Variants in DLEU7 observed in about 807,000 individuals in gnomAD.
The protein encoded by DLEU7 is leukemia-associated protein 7.
A neutral mutation model predicts 16.0 loss-of-function variants in DLEU7; 17 were observed. The ratio of observed to expected loss-of-function variants is 1.06; its 90% confidence interval spans 0.73 to 1.59. DLEU7 has a LOEUF of 1.59. Among genes scored for constraint, DLEU7 ranks in the 40% most tolerant of loss-of-function variants. The probability of loss-of-function intolerance (pLI) is 0.00; values close to 1 mark genes in which losing one functional copy is unlikely to be tolerated. For missense variants in DLEU7, 308 were observed against 314.9 expected (o/e 0.98, Z 0.17); for synonymous variants, 113 against 139.8 (o/e 0.81, Z 1.35).
intron 1 of DLEU7, among the ~76,000 whole-genome samples, chr13:50,812,290 AG>A (rs1449955815): frequency 6.6e-6 from 1 of 152,090 alleles, no homozygotes; most frequent in East Asian, 1.9e-4. Context: ...CTCAGACCTG[AG>A]GGGCCCCCGT....
At chr13:50,789,326 G>T (rs1177382514) in intron 1 of DLEU7, among the ~76,000 whole-genome samples, 1 of 148,912 alleles carries the variant, frequency 6.7e-6, no homozygotes, top group African/African-American at 2.5e-5. Context: ...ACCTCTCAGT[G>T]CCTCAATGCC....
chr13:50,754,054 A>C (rs1874676366), intron 1 of DLEU7, among the ~76,000 whole-genome samples: 1 of 152,086 alleles, frequency 6.6e-6, no homozygotes, highest in Non-Finnish European at 1.5e-5. Flanking sequence ...ATATAATTTC[A>C]ATTTTCTTAA....
intron 1 of DLEU7, among the ~76,000 whole-genome samples, chr13:50,748,772 AAGAG>A (rs769066788): frequency 1.5e-4 from 23 of 152,308 alleles, no homozygotes; most frequent in Non-Finnish European, 3.2e-4. Flanking sequence ...GAAGAAAAAG[AAGAG>A]AGAATTGGAG....
intron 1 of DLEU7, among the ~76,000 whole-genome samples, chr13:50,739,967 T>C (rs1217560727): frequency 6.6e-6 from 1 of 151,862 alleles, no homozygotes; most frequent in African/African-American, 2.4e-5. Flanking sequence ...TGGTAGGGCA[T>C]ATAGAGAGAG....
At chr13:50,802,120 TAAAAAAAAAAA>T (rs11453529) in intron 1 of DLEU7, among the ~76,000 whole-genome samples, 6 of 53,010 alleles carry the variant, frequency 1.1e-4, no homozygotes, top group South Asian at 1.2e-3. Context: ...CTCTATACAC[TAAAAAAAAAAA>T]AAAAAAAAAA....
At chr13:50,756,100 C>G (rs1244584708) in intron 1 of DLEU7, among the ~76,000 whole-genome samples, 1 of 152,178 alleles carries the variant, frequency 6.6e-6, no homozygotes. Flanking sequence ...ATACCAGCAC[C>G]TGTTCTGGTG....
chr13:50,786,109 T>G (rs1875787990), intron 1 of DLEU7, among the ~76,000 whole-genome samples: 1 of 152,180 alleles, frequency 6.6e-6, no homozygotes, highest in South Asian at 2.1e-4. Flanking sequence ...TTTGCTTGTG[T>G]GGTTTTACTA....
At chr13:50,761,600 G>A (rs769735754) in intron 1 of DLEU7, among the ~76,000 whole-genome samples, 3 of 152,050 alleles carry the variant, frequency 2.0e-5, no homozygotes, top group Admixed American at 6.6e-5. Flanking sequence ...CAACCAGGTC[G>A]CTTTCACAAG....
downstream of DLEU7, among the ~76,000 whole-genome samples, chr13:50,819,785 G>A (rs961119550): frequency 1.3e-5 from 2 of 152,072 alleles, no homozygotes; most frequent in African/African-American, 4.8e-5. Context: ...AATGACTTTC[G>A]GCATCCAAGT....
chr13:50,725,238 G>A (rs1157172827), intron 1 of DLEU7, among the ~76,000 whole-genome samples: 4 of 152,132 alleles, frequency 2.6e-5, no homozygotes. Flanking sequence ...ATCTTCTCCA[G>A]CCAGCCACGT....
chr13:50,762,189 CA>C (rs71085045), intron 1 of DLEU7, among the ~76,000 whole-genome samples: 4,994 of 84,274 alleles, frequency 0.059, 189 homozygotes, highest in African/African-American at 0.18. Flanking sequence ...AGACTCGTCT[CA>C]AAAAAAAAAA....
chr13:50,727,657 C>T (rs1593530142), intron 1 of DLEU7, among the ~76,000 whole-genome samples: 1 of 152,156 alleles, frequency 6.6e-6, no homozygotes, highest in Non-Finnish European at 1.5e-5. Context: ...GGGAATACCT[C>T]CAGGGTTGCT....
intron 1 of DLEU7, among the ~76,000 whole-genome samples, chr13:50,766,243 C>A (rs994434539): frequency 6.6e-6 from 1 of 152,166 alleles, no homozygotes; most frequent in Non-Finnish European, 1.5e-5. Context: ...ATACTGTCAG[C>A]CCAAATTGCT....
intron 1 of DLEU7, among the ~76,000 whole-genome samples, chr13:50,724,285 C>T (rs1332842816): frequency 1.3e-5 from 2 of 152,168 alleles, no homozygotes; most frequent in African/African-American, 4.8e-5. Flanking sequence ...CAGGCTGAAT[C>T]TCTTTTCTAC....
rs796406042 is a variant in DLEU7, at chr13:50,843,425, G to T, written c.222C>A (p.Thr74=). The stretch of plus-strand genomic sequence containing the variant: ...CCCGCGCCGCGGTCCGCCGACTCCT[G>T]GTCCCCACGCCCCCGCCCCGCTCCT... ...GREERGGGVG[T]RSRRTAARAN... is the part of the protein sequence containing the mutation. The change falls in exon 1 of 2, where the codon ACC becomes ACA. Residue 74 remains threonine, a synonymous_variant. Transcript: ENST00000504404. The surrounding 1 kb of genome is among the most constrained non-coding windows in gnomAD (Gnocchi z 5.7). The T allele has an allele frequency of 2.0e-4, 266 of 1,323,944 alleles. No individual in the cohort carries two copies. The African/African-American group carries it at 3.4e-3, about 17-fold the overall frequency. 82.0% of individuals were successfully genotyped at this position (1,323,944 alleles called of 1,614,324 possible). A position where few individuals can be genotyped will look rare whatever the true frequency, so the allele number is the denominator to read the frequency against.
intron 1 of DLEU7, among the ~76,000 whole-genome samples, chr13:50,731,983 A>C (rs1413420925): frequency 6.6e-6 from 1 of 152,180 alleles, no homozygotes; most frequent in African/African-American, 2.4e-5. Context: ...AATTATATAC[A>C]CTCATACTTT....
chr13:50,738,962 T>TACACACACAC (rs55722607), intron 1 of DLEU7, among the ~76,000 whole-genome samples: 17 of 144,656 alleles, frequency 1.2e-4, no homozygotes, highest in Admixed American at 4.9e-4. Flanking sequence ...TAAAAAATAA[T>TACACACACAC]ACACACACAC....
At chr13:50,809,874 C>T (rs7990306) in intron 1 of DLEU7, among the ~76,000 whole-genome samples, 88,209 of 151,788 alleles carry the variant, frequency 0.58, 25,949 homozygotes, top group African/African-American at 0.66. Context: ...GTTCATTCAC[C>T]ACAAGAAGAA....
intron 1 of DLEU7, among the ~76,000 whole-genome samples, chr13:50,762,785 C>T (rs535990933): frequency 1.6e-3 from 224 of 143,960 alleles, no homozygotes; most frequent in South Asian, 2.0e-3. Context: ...TAATCTCCTG[C>T]CCTTTATTGT....
Sources: allele counts gnomAD v4.1 joint callset (sites outside exome capture counted in the v4.1 genomes callset), GRCh38; gene constraint gnomAD v4.1.1; non-coding constraint Gnocchi (gnomAD v3.1); transcripts MANE v1.5; gene names NCBI Gene and HGNC (gene_info 2026-07-23, HGNC 2026-07-21).